EMG1: variants seen among roughly 807,000 people sequenced by gnomAD.
EMG1 encodes the protein EMG1 N1-specific pseudouridine methyltransferase, also known as ribosomal RNA small subunit methyltransferase NEP1.
A neutral mutation model predicts 26.9 loss-of-function variants in EMG1; 24 were observed. The observed-to-expected ratio is 0.89, with a 90% CI of 0.65 to 1.26. EMG1 has a LOEUF of 1.26. Ranked by LOEUF, EMG1 falls within the 50% of genes most tolerant of loss-of-function variation. The probability of loss-of-function intolerance (pLI) is 0.00; values close to 1 mark genes in which losing one functional copy is unlikely to be tolerated. For synonymous variants in EMG1, 140 were observed against 112.6 expected, an observed-to-expected ratio of 1.24 and a Z score of -1.54; for missense variants, 299 against 307.6, an observed-to-expected ratio of 0.97 and a Z score of 0.21.
At chr12:6,992,657 C>T (rs888561256), downstream of EMG1, among the ~76,000 whole-genome samples, 2 of 152,218 alleles carry the variant, frequency 1.3e-5, no homozygotes, top group African/African-American at 4.8e-5. Flanking sequence ...AATCTTTCAT[C>T]TTCTAATACC....
chr12:6,995,579 C>T (rs1361893794), intron 7 of EMG1, among the ~76,000 whole-genome samples: 1 of 152,098 alleles, frequency 6.6e-6, no homozygotes, highest in Non-Finnish European at 1.5e-5. Context: ...TCACTGTCAC[C>T]ATGACCATCA....
Position 6,978,421 on chromosome 12 carries a change from C to T in EMG1, c.*2612C>T, listed in dbSNP as rs1946434083. On this transcript the variant is annotated 3_prime_UTR_variant, in exon 6 of 6. Transcript: ENST00000599672. ...GGGGGTTTGTTTCAAAGAGCCACAC[C>T]TTCATGTTGGCACAGGCATCCCACT... The T allele has an allele frequency of 1.2e-6, 2 of 1,613,976 alleles. No homozygotes were observed. Among genetic ancestry groups the T allele is most frequent in the African/African-American group, 2.7e-5 (2 of 74,896 alleles).
Position 6,977,874 on chromosome 12 carries a change from G to A in EMG1, c.*2065G>A. On this transcript the variant is annotated 3_prime_UTR_variant, in exon 6 of 6. Transcript: ENST00000599672. This position sits in a 1 kb window ranked among gnomAD's most constrained non-coding sequence, Gnocchi z 4.5. ...GGTTCCCACGTGTAGCCCCCAGAGG[G>A]TACAGGAGGCAGTGCTGACTGATTA... is the stretch of plus-strand genomic sequence containing the variant. 2.8e-6 allele frequency: 3 copies of A among 1,074,106 alleles called. No homozygotes were observed. The highest frequency in any genetic ancestry group is 4.1e-6 in the Non-Finnish European group (3 of 724,422). 66.5% of individuals were successfully genotyped at this position (1,074,106 alleles called of 1,614,324 possible).
rs782103478 is a variant in EMG1 at position 6,971,075 on chromosome 12, G to T, written c.152G>T (p.Ser51Ile). Reference sequence around the variant, plus strand: ...CTTATTGTGGTGCTGGAAGGGGCCAGTCTGGAGACAGTCAAGGTAGTTTGG... The same window carrying T: ...CTTATTGTGGTGCTGGAAGGGGCCATTCTGGAGACAGTCAAGGTAGTTTGG... ...RRLIVVLEGASLETVKVGKTY... is the reference protein window; with the variant it reads ...RRLIVVLEGAILETVKVGKTY... The change falls in exon 1 of 6, where the codon AGT becomes ATT. Residue 51 changes from serine (S) to isoleucine (I), a missense_variant. By Grantham distance (142) the Ser-to-Ile change is moderately radical. Coordinates refer to ENST00000599672, the MANE Select transcript of EMG1 (RefSeq NM_006331.8). 5.0e-5 allele frequency: 80 copies of T among 1,611,150 alleles called. No individual in the cohort carries two copies. The highest frequency in any genetic ancestry group is 6.6e-5 in the Non-Finnish European group (78 of 1,178,664).
chr12:6,986,354 A>G (rs909528505), intron 6 of EMG1, among the ~76,000 whole-genome samples: 8 of 144,686 alleles, frequency 5.5e-5, no homozygotes, highest in Non-Finnish European at 8.8e-5. Flanking sequence ...GATTCTCTTA[A>G]TAACATTTTC....
At chr12:6,995,285 C>G (rs1946627004) in intron 7 of EMG1, among the ~76,000 whole-genome samples, 5 of 152,064 alleles carry the variant, frequency 3.3e-5, no homozygotes, top group Admixed American at 3.3e-4. Flanking sequence ...ACCAGCCTGA[C>G]CAACATGGTG....
chr12:6,981,596 T>A (rs782148571), downstream of EMG1: 14 of 1,614,076 alleles, frequency 8.7e-6, no homozygotes, highest in Admixed American at 2.3e-4. Flanking sequence ...GGTACTTACC[T>A]GATCTTTCCC....
chr12:6,979,204 T>G lies in EMG1; in HGVS notation c.*3395T>G, dbSNP rs1555153743. 1 of 504,974 alleles carries G rather than the reference T, an allele frequency of 2.0e-6. No homozygotes were observed. Among genetic ancestry groups the G allele is most frequent in the African/African-American group, 1.9e-5 (1 of 51,512 alleles). 31.3% of individuals were successfully genotyped at this position (504,974 alleles called of 1,614,324 possible). On this transcript the variant is annotated 3_prime_UTR_variant, in exon 6 of 6. Coordinates refer to ENST00000599672, the MANE Select transcript of EMG1 (RefSeq NM_006331.8). Reference sequence around the variant, plus strand: ...TGTGCTCTGAGGGGTCACGTGGATGTGATAAGGCAAGCTAGGAGCGGCTCC... The same window carrying G: ...TGTGCTCTGAGGGGTCACGTGGATGGGATAAGGCAAGCTAGGAGCGGCTCC...
chr12:6,975,656 T>C, intron 5 of EMG1, 40 bp from the exon 6 acceptor site: 1 of 1,347,446 alleles, frequency 7.4e-7, no homozygotes, highest in Non-Finnish European at 1.1e-6. Flanking sequence ...AAACAGCTAC[T>C]GAGTGACAGA....
chr12:6,981,378 C>A, downstream of EMG1: 1 of 673,196 alleles, frequency 1.5e-6, no homozygotes, highest in Non-Finnish European at 2.5e-6. Flanking sequence ...TTAGCAAATG[C>A]CTTGCTGGCA....
Position 6,976,873 on chromosome 12 carries a change from C to T in EMG1, c.*1064C>T, listed in dbSNP as rs1946409647. The T allele has an allele frequency of 2.8e-6, 1 of 356,926 alleles. No homozygotes were observed. The highest frequency in any genetic ancestry group is 4.0e-5 in the South Asian group (1 of 25,220). The allele number at this position is 356,926 out of a possible 1,614,324, so 22.1% of individuals were successfully genotyped here. A position where few individuals can be genotyped will look rare whatever the true frequency, so the allele number is the denominator to read the frequency against. The stretch of plus-strand genomic sequence containing the variant: ...AAAAGGGAGACGAGTAGTTTCTGCA[C>T]CAGTCCCGCACAGGCCACCTGCAAG... On this transcript the variant is annotated 3_prime_UTR_variant, in exon 6 of 6. Transcript: ENST00000599672.
At chr12:6,974,910 C>T in intron 3 of EMG1, 180 bp from the exon 4 acceptor site, 3 of 806,598 alleles carry the variant, frequency 3.7e-6, no homozygotes, top group Middle Eastern at 3.1e-4. Flanking sequence ...GGAGTCTGAA[C>T]CCATCACTGT....
chr12:6,993,221 C>T (rs1307656604), downstream of EMG1, among the ~76,000 whole-genome samples: 5 of 152,038 alleles, frequency 3.3e-5, no homozygotes, highest in African/African-American at 9.7e-5. Context: ...GGGCAGATCA[C>T]GAGGTCAGGA....
Position 6,977,040 on chromosome 12 carries a change from A to G in EMG1, c.*1231A>G. On this transcript the variant is annotated 3_prime_UTR_variant, in exon 6 of 6. Coordinates refer to ENST00000599672, the MANE Select transcript of EMG1 (RefSeq NM_006331.8). This position sits in a 1 kb window ranked among gnomAD's most constrained non-coding sequence, Gnocchi z 4.5. ...CTTAGTAGCCAGGCTAATCCTTGGA[A>G]TTCACCCCAGATTTCTAATACTATT... 1.2e-6 allele frequency: 1 copy of G among 812,602 alleles called. No individual in the cohort carries two copies. The highest frequency in any genetic ancestry group is 2.1e-6 in the Non-Finnish European group (1 of 479,568). 50.3% of individuals were successfully genotyped at this position (812,602 alleles called of 1,614,324 possible).
At chr12:6,982,620 C>G, downstream of EMG1, 3 of 1,338,534 alleles carry the variant, frequency 2.2e-6, no homozygotes, top group Non-Finnish European at 1.1e-6. Context: ...CTGCCTACCC[C>G]TGTCCCCTGA....
chr12:6,979,388 TCTC>T lies in EMG1; in HGVS notation c.*3580_*3582del. Reference sequence around the variant, plus strand: ...GCACTTGTAGATGATATTTCCTACTTCTCTGCTATCTGTAGGGATCCTTGCCTG... The same window carrying T: ...GCACTTGTAGATGATATTTCCTACTTTGCTATCTGTAGGGATCCTTGCCTG... On this transcript the variant is annotated 3_prime_UTR_variant, in exon 6 of 6. Coordinates refer to ENST00000599672, the MANE Select transcript of EMG1 (RefSeq NM_006331.8). 1 of 1,010,650 alleles carries T rather than the reference TCTC, an allele frequency of 9.9e-7. No individual in the cohort carries two copies. Among genetic ancestry groups the T allele is most frequent in the South Asian group, 1.3e-5 (1 of 74,122 alleles). The allele number at this position is 1,010,650 out of a possible 1,614,324, so 62.6% of individuals were successfully genotyped here. A position where few individuals can be genotyped will look rare whatever the true frequency, so the allele number is the denominator to read the frequency against.
chr12:6,986,567 G>C (rs1319227893), intron 6 of EMG1, among the ~76,000 whole-genome samples: 1 of 151,816 alleles, frequency 6.6e-6, no homozygotes, highest in African/African-American at 2.4e-5. Flanking sequence ...GGTGGATCAC[G>C]AGGTCAGGAA....
intron 1 of EMG1, among the ~76,000 whole-genome samples, chr12:6,972,738 G>A (rs781863789): frequency 6.6e-6 from 1 of 152,282 alleles, no homozygotes; most frequent in South Asian, 2.1e-4. Flanking sequence ...TGATACATTA[G>A]GATTCTGTGG....
downstream of EMG1, chr12:6,982,752 A>G (rs1429199947): frequency 1.2e-6 from 2 of 1,613,982 alleles, no homozygotes; most frequent in African/African-American, 2.7e-5. Flanking sequence ...CTGAAGCACA[A>G]TACACAGCAG....
Sources: allele counts gnomAD v4.1 joint callset (sites outside exome capture counted in the v4.1 genomes callset), GRCh38; gene constraint gnomAD v4.1.1; non-coding constraint Gnocchi (gnomAD v3.1); transcripts MANE v1.5; gene names NCBI Gene and HGNC (gene_info 2026-07-23, HGNC 2026-07-21).